Variants in RNF38 observed in about 807,000 individuals in gnomAD.
RNF38 encodes ring finger protein 38, also known as E3 ubiquitin-protein ligase RNF38.
A neutral mutation model predicts 67.2 loss-of-function variants in RNF38; 15 were observed. The ratio of observed to expected loss-of-function variants is 0.22; its 90% CI spans 0.15 to 0.34. RNF38 has a LOEUF of 0.34. RNF38 is among the 10% of genes least tolerant of loss of function. RNF38 has a pLI of 1.00. For missense variants in RNF38, 524 were observed against 639.9 expected, an observed-to-expected ratio of 0.82 and a Z score of 1.95; for synonymous variants, 220 against 218.8, an observed-to-expected ratio of 1.01 and a Z score of -0.05.
intron 1 of RNF38, among the ~76,000 whole-genome samples, chr9:36,397,341 T>C (rs1837619885): frequency 1.3e-5 from 2 of 152,122 alleles, no homozygotes; most frequent in Admixed American, 1.3e-4. Context: ...TTCAAACTCC[T>C]GACCTCAGGT....
chr9:36,427,110 T>C (rs910718786), intron 1 of RNF38, among the ~76,000 whole-genome samples: 3 of 152,238 alleles, frequency 2.0e-5, no homozygotes, highest in African/African-American at 4.8e-5. Context: ...AGAGATAACA[T>C]GTCTGTCTCT....
At chr9:36,461,788 C>T (rs928459004) in intron 1 of RNF38, among the ~76,000 whole-genome samples, 2 of 145,408 alleles carry the variant, frequency 1.4e-5, no homozygotes, top group African/African-American at 5.7e-5. Context: ...TTAAGCATTT[C>T]CGATGGAAAA....
chr9:36,473,051 G>A (rs866216091), intron 1 of RNF38, among the ~76,000 whole-genome samples: 1 of 152,154 alleles, frequency 6.6e-6, no homozygotes, highest in South Asian at 2.1e-4. Flanking sequence ...AGAATCACTT[G>A]AACCCAGGAG....
At chr9:36,431,447 AG>A (rs931207216) in intron 1 of RNF38, among the ~76,000 whole-genome samples, 3 of 152,230 alleles carry the variant, frequency 2.0e-5, no homozygotes, top group African/African-American at 7.2e-5. Flanking sequence ...TTATAATCTC[AG>A]GGGACCAGTC....
intron 4 of RNF38, among the ~76,000 whole-genome samples, chr9:36,362,740 T>C (rs1446803165): frequency 6.6e-6 from 1 of 152,026 alleles, no homozygotes; most frequent in Non-Finnish European, 1.5e-5. Flanking sequence ...TTCAAGCCAT[T>C]CTCCGGCCTC....
At chr9:36,388,658 C>T (rs968286708) in intron 2 of RNF38, among the ~76,000 whole-genome samples, 3 of 152,140 alleles carry the variant, frequency 2.0e-5, no homozygotes, top group Non-Finnish European at 2.9e-5. Context: ...AATCAATTAA[C>T]TTCTTTACTC....
intron 1 of RNF38, among the ~76,000 whole-genome samples, chr9:36,458,604 C>G (rs1360032730): frequency 1.3e-5 from 2 of 152,032 alleles, no homozygotes; most frequent in African/African-American, 4.8e-5. Flanking sequence ...CTGCGAAGAT[C>G]TGCGGCTTCA....
chr9:36,460,818 T>A (rs1379686222), intron 1 of RNF38, among the ~76,000 whole-genome samples: 4 of 126,356 alleles, frequency 3.2e-5, no homozygotes, highest in Non-Finnish European at 6.3e-5. Context: ...ACCCAGGAGG[T>A]GAAGGTTGCA....
At chr9:36,390,084 G>A (rs758531154) in intron 2 of RNF38, among the ~76,000 whole-genome samples, 2 of 152,034 alleles carry the variant, frequency 1.3e-5, no homozygotes, top group African/African-American at 2.4e-5. Context: ...TGTTACTATC[G>A]AACTCTGGGT....
chr9:36,401,080 C>T, upstream of RNF38: 1 of 985,098 alleles, frequency 1.0e-6, no homozygotes, highest in Non-Finnish European at 1.2e-6. Context: ...CCCACCCCGT[C>T]CCCTCGCCAG....
intron 1 of RNF38, among the ~76,000 whole-genome samples, chr9:36,427,466 G>A (rs1321784918): frequency 6.6e-6 from 1 of 152,062 alleles, no homozygotes; most frequent in Admixed American, 6.5e-5. Context: ...TCGGAGGTGG[G>A]GTGTTTGGAA....
intron 1 of RNF38, among the ~76,000 whole-genome samples, chr9:36,452,411 T>C (rs1033411852): frequency 2.0e-5 from 3 of 152,164 alleles, no homozygotes; most frequent in African/African-American, 7.2e-5. Context: ...CCCAATGAAT[T>C]TGCCTATTCT....
At chr9:36,352,876 G>C (rs942383925) in intron 7 of RNF38, 28 bp from the exon 8 acceptor site, 6 of 1,468,954 alleles carry the variant, frequency 4.1e-6, no homozygotes, top group Middle Eastern at 1.7e-4. Context: ...TTAAGATTTA[G>C]AATCACTCTA....
At chr9:36,345,933 G>T (rs1833193590) in intron 9 of RNF38, among the ~76,000 whole-genome samples, 1 of 152,190 alleles carries the variant, frequency 6.6e-6, no homozygotes, top group African/African-American at 2.4e-5. Flanking sequence ...TAAATAGGGA[G>T]ATGTGAATAC....
At position 36,350,989 on chromosome 9, in the gene RNF38, G is replaced by A. The variant is rs928125847; in HGVS notation, c.1263+126C>T. 5.2e-5 allele frequency: 36 copies of A among 697,652 alleles called. No individual in the cohort carries two copies. The African/African-American group carries it at 6.0e-4, about 12-fold the overall frequency. 43.2% of individuals were successfully genotyped at this position (697,652 alleles called of 1,614,324 possible). Reference sequence around the variant, plus strand: ...TGTATCTTATGTGTGGCCCAACACAGTAATTCTTCTTCCAATGTGGCCCAG... The same window carrying A: ...TGTATCTTATGTGTGGCCCAACACAATAATTCTTCTTCCAATGTGGCCCAG... On this transcript the variant is annotated intron_variant, in intron 9 of 11. Coordinates refer to ENST00000259605, the MANE Select transcript of RNF38 (RefSeq NM_022781.5).
chr9:36,487,357 G>A (rs1429562462), exon 1 of RNF38: 2 of 984,580 alleles, frequency 2.0e-6, no homozygotes, highest in African/African-American at 3.5e-5. Context: ...CTCCCGCCCG[G>A]AGAGGCCCGT....
intron 1 of RNF38, chr9:36,487,165 G>A (rs1840435001): frequency 2.0e-6 from 1 of 488,020 alleles, no homozygotes; most frequent in Non-Finnish European, 2.7e-6. Flanking sequence ...AGGGCTCGCA[G>A]GGGCTCCGGG....
chr9:36,428,539 C>G (rs1163527460), intron 1 of RNF38, among the ~76,000 whole-genome samples: 1 of 151,828 alleles, frequency 6.6e-6, no homozygotes, highest in Non-Finnish European at 1.5e-5. Context: ...AGAGACTGAG[C>G]CTTGGTCATC....
chr9:36,445,410 A>G (rs1190748404), intron 1 of RNF38, among the ~76,000 whole-genome samples: 1 of 152,236 alleles, frequency 6.6e-6, no homozygotes, highest in Non-Finnish European at 1.5e-5. Flanking sequence ...ATTTAACTGC[A>G]TAATTACTTA....
Sources: gnomAD v4.1 joint callset for allele counts (sites outside exome capture counted in the v4.1 genomes callset) on GRCh38, gnomAD v4.1.1 for gene constraint, MANE v1.5 for transcripts, NCBI Gene and HGNC (gene_info 2026-07-23, HGNC 2026-07-21) for gene names.